Variants in FBXW12 observed in about 807,000 individuals in gnomAD.
The protein encoded by FBXW12 is F-box/WD repeat-containing protein 12.
In FBXW12, 43 loss-of-function variants were observed where a neutral mutation model predicts 55.3. That is an observed-to-expected ratio of 0.78 (90% CI 0.61 to 1.00). FBXW12 has a LOEUF of 1.00. Ranked by LOEUF, FBXW12 falls within the 50% of genes least tolerant of loss-of-function variation. The pLI, the probability that FBXW12 is intolerant of heterozygous loss-of-function variation, is 0.00. For missense variants in FBXW12, 524 were observed against 560.5 expected (o/e 0.93, Z 0.66); for synonymous variants, 184 against 203.8 (o/e 0.90, Z 0.83).
Position 48,375,394 on chromosome 3 carries a change from T to C in FBXW12, c.327T>C (p.Leu109=). The C allele has an allele frequency of 1.2e-6, 2 of 1,612,576 alleles. No individual in the cohort carries two copies. The highest frequency in any genetic ancestry group is 2.2e-5 in the South Asian group (2 of 90,622). ...TGGCTTATCTCTCAGGAAATAGACTTACAGTGGATGAACAGGAGAAATCAA... is the reference window on the plus strand; with the variant it reads ...TGGCTTATCTCTCAGGAAATAGACTCACAGTGGATGAACAGGAGAAATCAA... ...TELAYLSGNR[L]TVDEQEKSII... The change falls in exon 5 of 11, where the codon CTT becomes CTC. Residue 109 remains leucine, a synonymous_variant. Coordinates refer to ENST00000296438, the MANE Select transcript of FBXW12 (RefSeq NM_207102.2).
chr3:48,377,891 T>A (rs1365049322), intron 5 of FBXW12, among the ~76,000 whole-genome samples: 1 of 152,218 alleles, frequency 6.6e-6, no homozygotes, highest in Non-Finnish European at 1.5e-5. Flanking sequence ...TTGTATGTAA[T>A]GTACAAGGTT....
Position 48,373,339 on chromosome 3 carries a change from T to C in FBXW12, c.122T>C (p.Leu41Pro), listed in dbSNP as rs777410135. The C allele has an allele frequency of 1.9e-6, 3 of 1,614,074 alleles. No homozygotes were observed. Among genetic ancestry groups the C allele is most frequent in the Admixed American group, 1.7e-5 (1 of 60,020 alleles). ...AATAGGATTGCAGACAGTGATTACC[T>C]GTGGAGGTAAGGGAAGGGAAAGGGC... Reference protein sequence around the residue: ...HWNRIADSDYLWRSLSLQRWD... With the variant: ...HWNRIADSDYPWRSLSLQRWD... Residue 41 changes from leucine (L) to proline (P), a missense_variant, in exon 3 of 11, where the codon CTG (leucine) becomes CCG (proline). Transcript: ENST00000296438.
In FBXW12 at chr3:48,380,901, C is replaced by A; in HGVS notation, c.974C>A (p.Thr325Lys). 2 of 1,613,842 alleles carry A rather than the reference C, an allele frequency of 1.2e-6. No individual in the cohort carries two copies. Among genetic ancestry groups the A allele is most frequent in the Non-Finnish European group, 1.7e-6 (2 of 1,179,910 alleles). Reference sequence around the variant, plus strand: ...ACAACCAAGAAGACTGGAGGCCAAACAGTCATCCAAGGTAGGCTGTGCCAC... The same window carrying A: ...ACAACCAAGAAGACTGGAGGCCAAAAAGTCATCCAAGGTAGGCTGTGCCAC... ...DLTTKKTGGQ[T>K]VIQAYEIASF... Residue 325 changes from threonine to lysine, a missense_variant, in exon 8 of 11, where the codon ACA becomes AAA. Physicochemically the swap from Thr to Lys is moderately conservative, Grantham distance 78. Transcript: ENST00000296438.
At chr3:48,374,841 C>T (rs1370294300) in intron 4 of FBXW12, among the ~76,000 whole-genome samples, 1 of 142,522 alleles carries the variant, frequency 7.0e-6, no homozygotes, top group Admixed American at 7.4e-5. Context: ...ATGATCTTGG[C>T]TTACTGCAAC....
intron 5 of FBXW12, among the ~76,000 whole-genome samples, chr3:48,376,772 G>A (rs1236831983): frequency 6.6e-6 from 1 of 152,228 alleles, no homozygotes; most frequent in African/African-American, 2.4e-5. Flanking sequence ...AGCCTAGAGA[G>A]TAGAACCAAG....
In FBXW12 at chr3:48,373,846, G is replaced by A. The variant is rs535193990; in HGVS notation, c.286+141G>A. 4.2e-6 allele frequency: 3 copies of A among 721,904 alleles called. No homozygotes were observed. The South Asian group carries it at 6.5e-5, about 16-fold the overall frequency. 44.7% of individuals were successfully genotyped at this position (721,904 alleles called of 1,614,324 possible). The stretch of plus-strand genomic sequence containing the variant: ...AAATTGAACCAGACTGGGTTGCCGT[G>A]ATAGCCATGTGATATCTCCCTGCTT... On this transcript the variant is annotated intron_variant, in intron 4 of 10. Transcript: ENST00000296438.
At chr3:48,394,369 C>T (rs1456874739) in intron 10 of FBXW12, among the ~76,000 whole-genome samples, 191 bp from the exon 11 acceptor site, 1 of 152,204 alleles carries the variant, frequency 6.6e-6, no homozygotes, top group Non-Finnish European at 1.5e-5. Flanking sequence ...GTTGTGATTG[C>T]TATTCCTGCA....
intron 7 of FBXW12, among the ~76,000 whole-genome samples, chr3:48,380,348 G>A (rs1187956385): frequency 1.3e-5 from 2 of 152,112 alleles, no homozygotes; most frequent in Non-Finnish European, 2.9e-5. Context: ...ACCAAAGAGG[G>A]AGGAGTTCAG....
intron 5 of FBXW12, 47 bp from the exon 6 acceptor site, chr3:48,378,270 G>C: frequency 7.2e-7 from 1 of 1,391,776 alleles, no homozygotes; most frequent in Non-Finnish European, 1.0e-6. Context: ...AAGCACAGTA[G>C]GTGTAAGGGT....
intron 1 of FBXW12, 36 bp from the exon 2 acceptor site, chr3:48,372,648 C>T: frequency 1.6e-5 from 25 of 1,585,932 alleles, no homozygotes; most frequent in Non-Finnish European, 2.1e-5. Context: ...TTGTTTCTAC[C>T]GCACACAGAT....
rs767503786 is a variant in FBXW12, at chr3:48,373,521, C to T, written c.129-27C>T. The T allele has an allele frequency of 6.8e-6, 11 of 1,609,162 alleles. No individual in the cohort carries two copies. In the South Asian group the frequency reaches 9.9e-5, roughly 14 times the overall value. On this transcript the variant is annotated intron_variant, in intron 3 of 10. Coordinates refer to ENST00000296438, the MANE Select transcript of FBXW12 (RefSeq NM_207102.2). ...AGGAGGTGAACTGACTGAGAACAGC[C>T]TGATGGGACTGTGACTCTGTTTCCA...
chr3:48,376,179 G>A (rs540981805), intron 5 of FBXW12, among the ~76,000 whole-genome samples: 3 of 151,524 alleles, frequency 2.0e-5, no homozygotes, highest in African/African-American at 7.3e-5. Flanking sequence ...ACGGGGTTTC[G>A]CCATGTTGGC....
chr3:48,382,460 G>GT (rs539563269), intron 10 of FBXW12, among the ~76,000 whole-genome samples: 59,810 of 148,860 alleles, frequency 0.4, 11,816 homozygotes, highest in Non-Finnish European at 0.46. Context: ...GAAAACAGGG[G>GT]TTTTTTTTTT....
intron 10 of FBXW12, among the ~76,000 whole-genome samples, chr3:48,388,188 C>T (rs1349959346): frequency 3.3e-5 from 5 of 152,144 alleles, no homozygotes; most frequent in Non-Finnish European, 7.4e-5. Context: ...TGTTTTGTCA[C>T]CCAAGATATG....
chr3:48,374,237 G>T (rs2107151704), intron 4 of FBXW12, among the ~76,000 whole-genome samples: 1 of 152,120 alleles, frequency 6.6e-6, no homozygotes, highest in East Asian at 1.9e-4. Context: ...AGGCTCTACA[G>T]CTGCAGCCTC....
chr3:48,388,226 G>A (rs1291615759), intron 10 of FBXW12, among the ~76,000 whole-genome samples: 1 of 152,146 alleles, frequency 6.6e-6, no homozygotes, highest in Non-Finnish European at 1.5e-5. Flanking sequence ...TTCCATGTGA[G>A]CTTGAAAAGA....
At chr3:48,373,445 T>C (rs1349371293) in intron 3 of FBXW12, 100 bp downstream of exon 3, 14 of 1,607,104 alleles carry the variant, frequency 8.7e-6, no homozygotes, top group Admixed American at 1.7e-5. Context: ...TTGTGAGATA[T>C]ACACAGGAAA....
intron 6 of FBXW12, among the ~76,000 whole-genome samples, chr3:48,378,758 G>A (rs1411556673): frequency 6.6e-6 from 1 of 151,938 alleles, no homozygotes; most frequent in Non-Finnish European, 1.5e-5. Flanking sequence ...GAGACTACAG[G>A]CACACACCAC....
At chr3:48,391,505 A>G (rs1019362570) in intron 10 of FBXW12, among the ~76,000 whole-genome samples, 6 of 151,902 alleles carry the variant, frequency 3.9e-5, no homozygotes, top group African/African-American at 1.2e-4. Flanking sequence ...ATCACTACTA[A>G]TCACTACTAG....
Sources: allele counts gnomAD v4.1 joint callset (sites outside exome capture counted in the v4.1 genomes callset), GRCh38; gene constraint gnomAD v4.1.1; transcripts MANE v1.5; gene names NCBI Gene and HGNC (gene_info 2026-07-23, HGNC 2026-07-21).